The following IL33 variants were observed in gnomAD, a reference collection of about 807,000 sequenced individuals.
IL33 encodes interleukin 33.
In IL33, 37 loss-of-function variants were observed where a neutral mutation model predicts 27.3. The ratio of observed to expected loss-of-function variants is 1.36; its 90% CI spans 1.04 to 1.78. The LOEUF (loss-of-function observed/expected upper bound fraction) is 1.78. Among genes scored for constraint, IL33 ranks in the 40% most tolerant of loss-of-function variants. The pLI is 0.00. For synonymous variants in IL33, 132 were observed against 102.9 expected (o/e 1.28, Z -1.71); for missense variants, 406 against 311.4 (o/e 1.30, Z -2.29).
At chr9:6,241,468 G>T (rs1365872513) in intron 1 of IL33, among the ~76,000 whole-genome samples, 2 of 152,144 alleles carry the variant, frequency 1.3e-5, no homozygotes, top group Non-Finnish European at 2.9e-5. Context: ...GACCACCATT[G>T]TATATGTGCA....
At chr9:6,217,722 T>A (rs1198979239) in intron 1 of IL33, among the ~76,000 whole-genome samples, 1 of 152,228 alleles carries the variant, frequency 6.6e-6, no homozygotes, top group Non-Finnish European at 1.5e-5. Flanking sequence ...CTTTATTCCT[T>A]GCTTTCTGCC....
chr9:6,256,355 G>A lies in IL33; in HGVS notation c.*187G>A. 1 of 575,500 alleles carries A rather than the reference G, an allele frequency of 1.7e-6. No homozygotes were observed. Among genetic ancestry groups the A allele is most frequent in the Non-Finnish European group, 3.0e-6 (1 of 327,994 alleles). The allele number at this position is 575,500 out of a possible 1,614,324, so 35.6% of individuals were successfully genotyped here. ...TCCAGTTATTCTTTTATTTCCCTCT[G>A]TATAACTGCATCTTCAATACAAGTA... On this transcript the variant is annotated 3_prime_UTR_variant, in exon 8 of 8. Coordinates refer to ENST00000682010, the MANE Select transcript of IL33 (RefSeq NM_033439.4).
chr9:6,250,655 T>C, intron 3 of IL33, 56 bp downstream of exon 3: 1 of 1,562,958 alleles, frequency 6.4e-7, no homozygotes, highest in Non-Finnish European at 8.7e-7. Context: ...TTGCCTTCAC[T>C]TACCACATCT....
At position 6,256,724 on chromosome 9, in the gene IL33, C is replaced by T. The variant is rs1022236468; in HGVS notation, c.*556C>T. 3 of 177,710 alleles carry T rather than the reference C, an allele frequency of 1.7e-5. No individual in the cohort carries two copies. Among genetic ancestry groups the T allele is most frequent in the Non-Finnish European group, 3.5e-5 (3 of 85,798 alleles). The allele number at this position is 177,710 out of a possible 1,614,324, so 11.0% of individuals were successfully genotyped here. ...CAACACTCAGAGCAGATCTCCCTTACTGTCAGGGGATATGGAACTTCAAAG... is the reference window on the plus strand; with the variant it reads ...CAACACTCAGAGCAGATCTCCCTTATTGTCAGGGGATATGGAACTTCAAAG... On this transcript the variant is annotated 3_prime_UTR_variant, in exon 8 of 8. Transcript: ENST00000682010.
chr9:6,238,393 C>T (rs754880353), intron 1 of IL33, among the ~76,000 whole-genome samples: 4 of 152,144 alleles, frequency 2.6e-5, no homozygotes, highest in Admixed American at 1.3e-4. Flanking sequence ...ACATTTACTC[C>T]CATGGCAAGA....
rs1269923856 is a variant in IL33 at position 6,256,308 on chromosome 9, AT to A, written c.*141del. The A allele has an allele frequency of 1.6e-6, 1 of 618,334 alleles. No individual in the cohort carries two copies. The highest frequency in any genetic ancestry group is 1.8e-5 in the African/African-American group (1 of 54,144). The allele number at this position is 618,334 out of a possible 1,614,324, so 38.3% of individuals were successfully genotyped here. ...GTGTGGAATGTTTTCCATATTATGT[AT>A]AAAAATATTTTTTCTAATCCTCCAG... On this transcript the variant is annotated 3_prime_UTR_variant, in exon 8 of 8. Transcript: ENST00000682010.
chr9:6,236,131 T>A (rs1282913642), intron 1 of IL33, among the ~76,000 whole-genome samples: 2 of 151,716 alleles, frequency 1.3e-5, no homozygotes, highest in Non-Finnish European at 2.9e-5. Context: ...CCAGTGTTAA[T>A]CAATAAAAGA....
At chr9:6,243,749 G>A (rs1819666841) in intron 2 of IL33, among the ~76,000 whole-genome samples, 2 of 152,184 alleles carry the variant, frequency 1.3e-5, no homozygotes, top group Non-Finnish European at 1.5e-5. Flanking sequence ...GAAAATGGAG[G>A]ATAAGGAATG....
intron 6 of IL33, among the ~76,000 whole-genome samples, chr9:6,253,870 G>T (rs560526399): frequency 9.2e-5 from 14 of 152,116 alleles, no homozygotes; most frequent in Non-Finnish European, 1.6e-4. Context: ...TCTTAGCCAG[G>T]GCTGCAATGG....
chr9:6,234,663 C>T (rs1234755244), intron 1 of IL33, among the ~76,000 whole-genome samples: 1 of 152,174 alleles, frequency 6.6e-6, no homozygotes, highest in African/African-American at 2.4e-5. Context: ...ATCCCCTCCT[C>T]GTTAGTCCCA....
chr9:6,221,410 G>T (rs903306478), intron 1 of IL33, among the ~76,000 whole-genome samples: 2 of 152,132 alleles, frequency 1.3e-5, no homozygotes, highest in African/African-American at 2.4e-5. Context: ...GCTTACATCT[G>T]GCTGTCCAAT....
intron 2 of IL33, among the ~76,000 whole-genome samples, chr9:6,245,450 A>AT (rs1275490141): frequency 3.3e-5 from 5 of 152,216 alleles, no homozygotes; most frequent in African/African-American, 9.6e-5. Flanking sequence ...TCCTGTAGAC[A>AT]GTAGGGAATC....
chr9:6,246,985 T>C (rs12350670), intron 2 of IL33, among the ~76,000 whole-genome samples: 8,240 of 152,188 alleles, frequency 0.054, 721 homozygotes, highest in African/African-American at 0.18. Flanking sequence ...TCAGAAGATA[T>C]ACACAGAAAG....
chr9:6,232,226 C>T (rs1192632668), intron 1 of IL33, among the ~76,000 whole-genome samples: 2 of 152,134 alleles, frequency 1.3e-5, no homozygotes, highest in African/African-American at 4.8e-5. Context: ...TGGTGGAATA[C>T]ATAGTCCTTG....
At chr9:6,255,903 G>A in intron 7 of IL33, 65 bp from the exon 8 acceptor site, 2 of 1,282,242 alleles carry the variant, frequency 1.6e-6, no homozygotes, top group Non-Finnish European at 2.3e-6. Flanking sequence ...TTCCAATACA[G>A]GCAGGTAAAG....
intron 3 of IL33, 28 bp downstream of exon 3, chr9:6,250,627 A>T (rs1430789420): frequency 6.2e-7 from 1 of 1,605,102 alleles, no homozygotes; most frequent in African/African-American, 1.3e-5. Flanking sequence ...TTCTCTGGCA[A>T]TAGTGATAAG....
At chr9:6,244,705 C>A (rs1190779100) in intron 2 of IL33, among the ~76,000 whole-genome samples, 2 of 152,130 alleles carry the variant, frequency 1.3e-5, no homozygotes, top group African/African-American at 4.8e-5. Flanking sequence ...TGACAGATAT[C>A]TCTGGGGTAT....
chr9:6,254,629 G>A (rs1816620208), intron 7 of IL33, 76 bp downstream of exon 7: 1 of 819,450 alleles, frequency 1.2e-6, no homozygotes, highest in South Asian at 3.1e-5. Context: ...AACTTGTGTA[G>A]ATTTGGGTGT....
chr9:6,223,414 T>G (rs1044813911), intron 1 of IL33, among the ~76,000 whole-genome samples: 1 of 151,982 alleles, frequency 6.6e-6, no homozygotes, highest in Non-Finnish European at 1.5e-5. Context: ...TACTTATAAG[T>G]TTTTAAAATC....
Sources: allele counts gnomAD v4.1 joint callset (sites outside exome capture counted in the v4.1 genomes callset), GRCh38; gene constraint gnomAD v4.1.1; transcripts MANE v1.5; gene names NCBI Gene and HGNC (gene_info 2026-07-23, HGNC 2026-07-21).